Variants in RAB35 observed in about 807,000 individuals in gnomAD.
The protein encoded by RAB35 is RAB35, member RAS oncogene family.
A neutral mutation model predicts 28.9 loss-of-function variants in RAB35; 4 were observed. The ratio of observed to expected loss-of-function variants is 0.14; its 90% CI spans 0.07 to 0.32. The LOEUF (loss-of-function observed/expected upper bound fraction) is 0.32, where lower values mean the gene tolerates loss of function less well. RAB35 is among the 10% of genes least tolerant of loss of function. The pLI, the probability that RAB35 is intolerant of heterozygous loss-of-function variation, is 1.00. For synonymous variants in RAB35, 99 were observed against 105.1 expected (o/e 0.94, Z 0.35); for missense variants, 128 against 274.0 (o/e 0.47, Z 3.76).
At chr12:120,105,314 A>T (rs546974996) in intron 2 of RAB35, among the ~76,000 whole-genome samples, 3 of 151,422 alleles carry the variant, frequency 2.0e-5, no homozygotes, top group Non-Finnish European at 2.9e-5. Context: ...CAGCCAGGGG[A>T]ACGCCAAGGA....
Position 120,114,973 on chromosome 12 carries a change from G to T in RAB35, c.52+1626C>A, listed in dbSNP as rs139169209. Among the ~76,000 whole-genome samples, 16 of 152,304 alleles carry T rather than the reference G, an allele frequency of 1.1e-4. 1 individual carries two copies. In the East Asian group the frequency reaches 2.9e-3, roughly 27 times the overall value. On this transcript the variant is annotated intron_variant, in intron 1 of 5. Transcript: ENST00000229340. ...TCAGAACCCAGGCCAGGGCTGCAAGGAAATCATGTAAAGGAAGAAGCCTCA... is the reference window on the plus strand; with the variant it reads ...TCAGAACCCAGGCCAGGGCTGCAAGTAAATCATGTAAAGGAAGAAGCCTCA...
intron 1 of RAB35, among the ~76,000 whole-genome samples, chr12:120,112,630 A>G (rs1876165337): frequency 6.7e-6 from 1 of 149,932 alleles, no homozygotes; most frequent in South Asian, 2.1e-4. Context: ...GGGCCTCCCT[A>G]TGTTGCCCAG....
At chr12:120,108,359 G>A in intron 2 of RAB35, 58 bp downstream of exon 2, 1 of 1,509,400 alleles carries the variant, frequency 6.6e-7, no homozygotes, top group Non-Finnish European at 9.2e-7. Context: ...TGCCAGGGAG[G>A]GGATGTCAAC....
At chr12:120,104,550 T>C (rs1480885857) in intron 2 of RAB35, among the ~76,000 whole-genome samples, 1 of 152,186 alleles carries the variant, frequency 6.6e-6, no homozygotes, top group African/African-American at 2.4e-5. Context: ...GGACTTTCTC[T>C]CGTGTGTGCT....
At chr12:120,108,639 T>A (rs1302618959) in intron 1 of RAB35, 172 bp from the exon 2 acceptor site, 2 of 707,900 alleles carry the variant, frequency 2.8e-6, no homozygotes, top group Admixed American at 4.0e-5. Context: ...ACCAAGAACA[T>A]CTCTTCCACT....
chr12:120,107,780 T>C (rs905543656), intron 2 of RAB35, among the ~76,000 whole-genome samples: 15 of 145,354 alleles, frequency 1.0e-4, no homozygotes, highest in African/African-American at 3.4e-4. Context: ...GACAGGAGAA[T>C]TGCTTGAACC....
At chr12:120,102,782 C>A (rs955846553) in intron 3 of RAB35, among the ~76,000 whole-genome samples, 4 of 152,212 alleles carry the variant, frequency 2.6e-5, no homozygotes, top group African/African-American at 9.6e-5. Context: ...AGGAAGGGGG[C>A]CGCTGGCTGG....
intron 1 of RAB35, among the ~76,000 whole-genome samples, chr12:120,113,232 A>T (rs1876193802): frequency 7.3e-6 from 1 of 137,226 alleles, no homozygotes; most frequent in Admixed American, 8.0e-5. Flanking sequence ...TCTCGCTATC[A>T]CTATGTTGCT....
intron 2 of RAB35, among the ~76,000 whole-genome samples, chr12:120,106,941 G>C (rs1260651966): frequency 1.3e-5 from 2 of 151,692 alleles, no homozygotes; most frequent in African/African-American, 4.8e-5. Flanking sequence ...TTCTCCACAA[G>C]ATAATCAGAG....
chr12:120,105,751 G>T (rs531151650), intron 2 of RAB35, among the ~76,000 whole-genome samples: 3 of 151,922 alleles, frequency 2.0e-5, no homozygotes, highest in African/African-American at 7.3e-5. Flanking sequence ...GTAAAACCCC[G>T]TCTCTACTAA....
At chr12:120,097,434 G>T in intron 5 of RAB35, 61 bp from the exon 6 acceptor site, 1 of 1,440,518 alleles carries the variant, frequency 6.9e-7, no homozygotes. Context: ...CTGCTGGCCT[G>T]CACGGCTGCC....
intron 2 of RAB35, among the ~76,000 whole-genome samples, chr12:120,105,284 G>A (rs964944720): frequency 1.3e-5 from 2 of 152,128 alleles, no homozygotes; most frequent in Non-Finnish European, 2.9e-5. Flanking sequence ...TCAGAAAAGC[G>A]GCCAGCACCC....
Position 120,097,212 on chromosome 12 carries a change from C to T in RAB35, c.*33G>A, listed in dbSNP as rs372771381. On this transcript the variant is annotated 3_prime_UTR_variant, in exon 6 of 6. Coordinates refer to ENST00000229340, the MANE Select transcript of RAB35 (RefSeq NM_006861.7). ...GTGGGCCTCGGGCTGGGGGAGGGAC[C>T]GCAGTGCAGTCTCTGCAGTGGACTG... 9.3e-6 allele frequency: 15 copies of T among 1,614,118 alleles called. No homozygotes were observed. Among genetic ancestry groups the T allele is most frequent in the South Asian group, 4.4e-5 (4 of 91,088 alleles).
intron 1 of RAB35, among the ~76,000 whole-genome samples, chr12:120,111,899 G>A (rs1036550619): frequency 6.6e-6 from 1 of 151,862 alleles, no homozygotes; most frequent in Non-Finnish European, 1.5e-5. Flanking sequence ...AGGAGCAGAG[G>A]GCACCCACCA....
At chr12:120,112,944 A>G (rs1395910203) in intron 1 of RAB35, among the ~76,000 whole-genome samples, 1 of 148,492 alleles carries the variant, frequency 6.7e-6, no homozygotes, top group Non-Finnish European at 1.5e-5. Context: ...AGGCTGGAGT[A>G]CAGTGGCACG....
intron 1 of RAB35, among the ~76,000 whole-genome samples, chr12:120,111,954 C>T (rs1325670932): frequency 2.6e-5 from 4 of 151,834 alleles, no homozygotes; most frequent in African/African-American, 9.7e-5. Flanking sequence ...GGCACATCAG[C>T]ATGACCCCAA....
At chr12:120,110,353 G>A (rs1048377915) in intron 1 of RAB35, among the ~76,000 whole-genome samples, 6 of 143,122 alleles carry the variant, frequency 4.2e-5, no homozygotes, top group Admixed American at 1.4e-4. Context: ...GCAGTGGTGC[G>A]ATCATAACTC....
rs200981098 is a variant in RAB35, at chr12:120,103,894, G to A, written c.159C>T (p.Asn53=). The change falls in exon 3 of 6, where the codon AAC becomes AAT. Residue 53 remains asparagine (N), a synonymous_variant. Transcript: ENST00000229340. The surrounding 1 kb of genome is among the most constrained non-coding windows in gnomAD (Gnocchi z 6.1). ...VDFKIRTVEI[N]GEKVKLQIWD... ...AGATCTGCAGCTTCACCTTCTCCCC[G>A]TTGATCTCCACGGTCCGGATCTTGA... is the stretch of plus-strand genomic sequence containing the variant. 49 of 1,614,058 alleles carry A rather than the reference G, an allele frequency of 3.0e-5. No individual in the cohort carries two copies. The African/African-American group carries it at 4.5e-4, about 15-fold the overall frequency.
intron 2 of RAB35, among the ~76,000 whole-genome samples, chr12:120,105,751 G>A (rs531151650): frequency 2.4e-4 from 36 of 152,040 alleles, no homozygotes; most frequent in African/African-American, 8.4e-4. Context: ...GTAAAACCCC[G>A]TCTCTACTAA....
Sources: gnomAD v4.1 joint callset for allele counts (sites outside exome capture counted in the v4.1 genomes callset) on GRCh38, gnomAD v4.1.1 for gene constraint, Gnocchi (gnomAD v3.1) non-coding constraint, MANE v1.5 for transcripts, NCBI Gene and HGNC (gene_info 2026-07-23, HGNC 2026-07-21) for gene names.